MAGI2: variants seen among roughly 807,000 people sequenced by gnomAD.
MAGI2 encodes the protein membrane associated guanylate kinase, WW and PDZ domain containing 2, also known as membrane-associated guanylate kinase, WW and PDZ domain-containing protein 2.
MAGI2 carries 35 observed loss-of-function variants against 133.3 expected under a neutral mutation model. The observed-to-expected ratio is 0.26, with a 90% CI of 0.20 to 0.35. MAGI2 has a LOEUF of 0.35. Ranked by LOEUF, MAGI2 falls within the 10% of genes least tolerant of loss-of-function variation. MAGI2 has a pLI of 1.00. For synonymous variants in MAGI2, 729 were observed against 710.6 expected, an observed-to-expected ratio of 1.03 and a Z score of -0.41; for missense variants, 1,636 against 1,863.4, an observed-to-expected ratio of 0.88 and a Z score of 2.25.
chr7:78,632,010 A>G (rs371442104), intron 2 of MAGI2, among the ~76,000 whole-genome samples: 56 of 152,336 alleles, frequency 3.7e-4, no homozygotes, highest in East Asian at 1.5e-3. Flanking sequence ...TACTTAAGAC[A>G]ATGTCTGGCA....
chr7:78,783,196 C>A lies in MAGI2; in HGVS notation c.419-155957G>T, dbSNP rs549707460. Among the ~76,000 whole-genome samples, 33 of 152,016 alleles carry A rather than the reference C, an allele frequency of 2.2e-4. No individual in the cohort carries two copies. In the East Asian group the frequency reaches 6.4e-3, roughly 30 times the overall value. ...TGTGGGAGTTAACTGATCATGCTAT[C>A]GCTCTTCAAGATAAAATCCTCAAGG... On this transcript the variant is annotated intron_variant, in intron 2 of 21. Coordinates refer to ENST00000354212, the MANE Select transcript of MAGI2 (RefSeq NM_012301.4).
At chr7:78,117,151 C>G (rs117361703) in intron 20 of MAGI2, among the ~76,000 whole-genome samples, 1,725 of 151,294 alleles carry the variant, frequency 0.011, 17 homozygotes, top group Non-Finnish European at 0.015. Flanking sequence ...CTGTAAACAA[C>G]AGCAACAAAA....
At chr7:78,702,127 G>A (rs1167987359) in intron 2 of MAGI2, among the ~76,000 whole-genome samples, 1 of 151,982 alleles carries the variant, frequency 6.6e-6, no homozygotes, top group Non-Finnish European at 1.5e-5. Context: ...AAGTACAACT[G>A]TCATTTGGTA....
At chr7:78,267,388 A>G (rs963011883) in intron 9 of MAGI2, among the ~76,000 whole-genome samples, 1 of 152,190 alleles carries the variant, frequency 6.6e-6, no homozygotes, top group Admixed American at 6.6e-5. Context: ...GAGCCCTTCT[A>G]ACTTGTTAAA....
intron 2 of MAGI2, chr7:78,903,983 A>G (rs1232810991): frequency 6.6e-6 from 1 of 152,222 alleles, no homozygotes; most frequent in East Asian, 1.9e-4. Flanking sequence ...TACAAATGCC[A>G]TTCTTGTCTT....
At chr7:79,262,870 T>A (rs1213065062) in intron 1 of MAGI2, among the ~76,000 whole-genome samples, 1 of 152,222 alleles carries the variant, frequency 6.6e-6, no homozygotes, top group Middle Eastern at 3.2e-3. Context: ...CATGCTAGTA[T>A]GTTTTATAAG....
chr7:78,198,820 G>C (rs532667734), intron 11 of MAGI2, among the ~76,000 whole-genome samples: 10 of 152,290 alleles, frequency 6.6e-5, no homozygotes, highest in African/African-American at 2.2e-4. Flanking sequence ...TTTTGGGCAG[G>C]GTTGGAAGAT....
At chr7:78,518,593 CAA>C (rs1367455561) in intron 4 of MAGI2, 2 of 152,140 alleles carry the variant, frequency 1.3e-5, no homozygotes, top group Non-Finnish European at 2.9e-5. Flanking sequence ...AATGTTACCT[CAA>C]TATGTTTTTT....
intron 6 of MAGI2, among the ~76,000 whole-genome samples, chr7:78,442,135 C>T (rs921436425): frequency 4.6e-5 from 7 of 152,182 alleles, no homozygotes; most frequent in Admixed American, 3.9e-4. Context: ...GTTTCTTGCT[C>T]AATTAAATTC....
At chr7:78,672,285 C>T (rs1305458312) in intron 2 of MAGI2, among the ~76,000 whole-genome samples, 1 of 152,126 alleles carries the variant, frequency 6.6e-6, no homozygotes, top group Non-Finnish European at 1.5e-5. Context: ...CTCTCTCTTG[C>T]TCCCTCTCTT....
intron 2 of MAGI2, among the ~76,000 whole-genome samples, chr7:78,810,862 A>G (rs1255911787): frequency 6.6e-6 from 1 of 152,124 alleles, no homozygotes; most frequent in Non-Finnish European, 1.5e-5. Context: ...TAAATTATAG[A>G]CATGCTGGTA....
At chr7:78,083,820 G>C (rs1816325585) in intron 20 of MAGI2, among the ~76,000 whole-genome samples, 1 of 152,206 alleles carries the variant, frequency 6.6e-6, no homozygotes, top group Non-Finnish European at 1.5e-5. Flanking sequence ...CCTATGGAAG[G>C]CCAAGGCAGG....
intron 9 of MAGI2, among the ~76,000 whole-genome samples, chr7:78,282,016 C>G (rs1158020361): frequency 7.4e-6 from 1 of 135,124 alleles, no homozygotes; most frequent in African/African-American, 2.9e-5. Context: ...AATCAGAAAA[C>G]ATGTTTCTAA....
intron 2 of MAGI2, among the ~76,000 whole-genome samples, chr7:78,985,222 C>A (rs1050912828): frequency 2.0e-5 from 3 of 151,972 alleles, no homozygotes; most frequent in Admixed American, 6.6e-5. Flanking sequence ...TGTAAGGTAG[C>A]AATCACCTCA....
chr7:79,045,241 G>A (rs1420880186), intron 1 of MAGI2, among the ~76,000 whole-genome samples: 1 of 152,156 alleles, frequency 6.6e-6, no homozygotes, highest in African/African-American at 2.4e-5. Context: ...TCCTGTAGCA[G>A]AAGGGAACTT....
chr7:78,432,455 T>C (rs535675949), intron 6 of MAGI2, among the ~76,000 whole-genome samples: 367 of 152,222 alleles, frequency 2.4e-3, no homozygotes, highest in Middle Eastern at 0.017. Context: ...GGTTTTGTCA[T>C]GATTAAGATT....
chr7:78,239,312 A>C (rs1377144460), intron 10 of MAGI2, among the ~76,000 whole-genome samples: 1 of 152,210 alleles, frequency 6.6e-6, no homozygotes, highest in East Asian at 1.9e-4. Flanking sequence ...AACTAATAGA[A>C]GAAAACATAG....
chr7:78,920,069 T>C (rs991364503), intron 2 of MAGI2, among the ~76,000 whole-genome samples: 6 of 152,114 alleles, frequency 3.9e-5, no homozygotes, highest in Non-Finnish European at 8.8e-5. Context: ...TCCCATCAAA[T>C]TCAGAATTCA....
At chr7:78,893,197 T>C (rs1796914732) in intron 2 of MAGI2, among the ~76,000 whole-genome samples, 1 of 151,964 alleles carries the variant, frequency 6.6e-6, no homozygotes, top group African/African-American at 2.4e-5. Flanking sequence ...CTCACACCAG[T>C]TAGAATGGCA....
Sources: allele counts gnomAD v4.1 joint callset (sites outside exome capture counted in the v4.1 genomes callset), GRCh38; gene constraint gnomAD v4.1.1; transcripts MANE v1.5; gene names NCBI Gene and HGNC (gene_info 2026-07-23, HGNC 2026-07-21).